OPTN: variants seen among roughly 807,000 people sequenced by gnomAD.
OPTN encodes the protein E3-14.7K-interacting protein.
A neutral mutation model predicts 70.4 loss-of-function variants in OPTN; 54 were observed. The observed-to-expected ratio is 0.77, with a 90% confidence interval of 0.62 to 0.96. The LOEUF (loss-of-function observed/expected upper bound fraction) is 0.96. Among genes scored for constraint, OPTN ranks in the 40% least tolerant of loss-of-function variants. The pLI is 0.00. For synonymous variants in OPTN, 256 were observed against 248.5 expected, an observed-to-expected ratio of 1.03 and a Z score of -0.28; for missense variants, 624 against 673.2, an observed-to-expected ratio of 0.93 and a Z score of 0.81.
chr10:13,108,544 C>CTT (rs34105780), intron 2 of OPTN, among the ~76,000 whole-genome samples: 1 of 139,428 alleles, frequency 7.2e-6, no homozygotes, highest in African/African-American at 2.7e-5. Flanking sequence ...TTATTGTACC[C>CTT]TTTTTTTTTT....
At chr10:13,115,179 TTA>T (rs1292747469) in intron 5 of OPTN, among the ~76,000 whole-genome samples, 15 of 41,982 alleles carry the variant, frequency 3.6e-4, no homozygotes, top group African/African-American at 8.3e-4. Flanking sequence ...TATCTATATT[TTA>T]TATATATATT....
At chr10:13,129,610 G>A (rs1423005476) in intron 12 of OPTN, among the ~76,000 whole-genome samples, 4 of 151,996 alleles carry the variant, frequency 2.6e-5, no homozygotes, top group South Asian at 4.2e-4. Context: ...CTGGGATTAC[G>A]GGCGTGAGCC....
rs964219691 is a variant in OPTN, at chr10:13,124,116, A to G, written c.998+6A>G. 6.7e-7 allele frequency: 1 copy of G among 1,497,774 alleles called. No individual in the cohort carries two copies. The allele number at this position is 1,497,774 out of a possible 1,614,324, so 92.8% of individuals were successfully genotyped here. ...AAGAAGAGACTTCAAGAAAAGTAAG[A>G]ATGAGAGAGCAATTTTATCCTCCTT... On this transcript the variant is annotated splice_donor_region_variant and intron_variant, in intron 9 of 14. Transcript: ENST00000378747.
intron 1 of OPTN, among the ~76,000 whole-genome samples, chr10:13,103,401 G>A (rs993652621): frequency 1.3e-5 from 2 of 152,198 alleles, no homozygotes; most frequent in Non-Finnish European, 2.9e-5. Flanking sequence ...ACCAGGGCAA[G>A]GGCCTAACCT....
At chr10:13,101,953 C>G (rs1832757521) in intron 1 of OPTN, among the ~76,000 whole-genome samples, 1 of 152,174 alleles carries the variant, frequency 6.6e-6, no homozygotes, top group Non-Finnish European at 1.5e-5. Context: ...TTACTGCAAG[C>G]CTGCTATGTG....
chr10:13,120,602 A>G (rs1833326239), intron 7 of OPTN, among the ~76,000 whole-genome samples: 1 of 151,154 alleles, frequency 6.6e-6, no homozygotes, highest in African/African-American at 2.4e-5. Context: ...TTGTAGTTTC[A>G]TCTCTGACAT....
intron 12 of OPTN, 59 bp from the exon 13 acceptor site, chr10:13,132,008 A>G (rs1196622250): frequency 6.4e-7 from 1 of 1,563,458 alleles, no homozygotes; most frequent in African/African-American, 1.4e-5. Flanking sequence ...TCGCATAAAC[A>G]CTGTAAGAAT....
At chr10:13,115,465 T>TC (rs1833166956) in intron 5 of OPTN, among the ~76,000 whole-genome samples, 5 of 103,936 alleles carry the variant, frequency 4.8e-5, no homozygotes, top group African/African-American at 2.3e-4. Flanking sequence ...TATTATATAA[T>TC]ATAGAATATA....
chr10:13,124,961 C>T (rs1833427084), intron 9 of OPTN, among the ~76,000 whole-genome samples: 2 of 152,218 alleles, frequency 1.3e-5, no homozygotes, highest in South Asian at 4.2e-4. Context: ...ATATTGAAAT[C>T]CTCTTTCCGA....
intron 11 of OPTN, among the ~76,000 whole-genome samples, chr10:13,126,436 G>A (rs948418439): frequency 1.4e-4 from 22 of 151,926 alleles, no homozygotes; most frequent in African/African-American, 3.9e-4. Context: ...GCCCGCCACC[G>A]CGCCCGGCTA....
intron 11 of OPTN, among the ~76,000 whole-genome samples, 196 bp from the exon 12 acceptor site, chr10:13,127,549 A>C (rs1362919567): frequency 1.3e-5 from 2 of 152,038 alleles, no homozygotes; most frequent in East Asian, 3.9e-4. Context: ...CATTTTTTAG[A>C]TCTCGCTATG....
rs746288358 is a variant in OPTN at position 13,112,641 on chromosome 10, T to A, written c.552+6T>A. The A allele has an allele frequency of 1.9e-6, 3 of 1,613,930 alleles. No individual in the cohort carries two copies. The Admixed American group carries it at 5.0e-5, about 27-fold the overall frequency. ...TTGTTGAAATTAGGATGGCTGTGAGTTTTTGGTTTTATTTTTGTTTTGAGC... is the reference window on the plus strand; with the variant it reads ...TTGTTGAAATTAGGATGGCTGTGAGATTTTGGTTTTATTTTTGTTTTGAGC... On this transcript the variant is annotated splice_donor_region_variant and intron_variant, in intron 5 of 14. Coordinates refer to ENST00000378747, the MANE Select transcript of OPTN (RefSeq NM_001008212.2).
chr10:13,109,160 A>T lies in OPTN; in HGVS notation c.38A>T (p.Glu13Val). 1 of 1,613,986 alleles carries T rather than the reference A, an allele frequency of 6.2e-7. No individual in the cohort carries two copies. The highest frequency in any genetic ancestry group is 8.5e-7 in the Non-Finnish European group (1 of 1,179,982). ...CCTCTCAGCTGCCTCACTGAAAAGG[A>T]GGACAGCCCCAGTGAAAGCACAGGA... Reference protein sequence around the residue: ...HQPLSCLTEKEDSPSESTGNG... With the variant: ...HQPLSCLTEKVDSPSESTGNG... Residue 13 changes from glutamate to valine, a missense_variant, in exon 3 of 15, where the codon GAG becomes GTG. Transcript: ENST00000378747.
chr10:13,122,541 C>T, intron 8 of OPTN, 54 bp downstream of exon 8: 2 of 1,164,980 alleles, frequency 1.7e-6, no homozygotes, highest in Non-Finnish European at 1.3e-6. Context: ...GAGAGTAGTC[C>T]AGCCACTGAA....
At chr10:13,125,854 T>C (rs1356919890) in intron 10 of OPTN, 92 bp from the exon 11 acceptor site, 7 of 947,610 alleles carry the variant, frequency 7.4e-6, no homozygotes, top group Admixed American at 2.0e-5. Context: ...AGAAGATTTT[T>C]CTACTGGAGT....
intron 1 of OPTN, chr10:13,104,812 C>A: frequency 2.2e-6 from 1 of 459,116 alleles, no homozygotes; most frequent in South Asian, 2.1e-5. Context: ...TCGAGATGTT[C>A]AACAAAAGGT....
rs1341774965 is a variant in OPTN, at chr10:13,136,639, G to A, written c.1613-106G>A. 9 of 1,333,876 alleles carry A rather than the reference G, an allele frequency of 6.7e-6. No individual in the cohort carries two copies. In the Admixed American group the frequency reaches 1.2e-4, roughly 17 times the overall value. 82.6% of individuals were successfully genotyped at this position (1,333,876 alleles called of 1,614,324 possible). ...CTGTGCTCATGTCCCACTACGTGTT[G>A]AATACGAAGTTGAACTGATGTTAAA... is the stretch of plus-strand genomic sequence containing the variant. On this transcript the variant is annotated intron_variant, in intron 14 of 14. Transcript: ENST00000378747.
intron 3 of OPTN, 58 bp from the exon 4 acceptor site, chr10:13,110,216 T>A: frequency 5.6e-6 from 9 of 1,597,932 alleles, no homozygotes; most frequent in Non-Finnish European, 6.8e-6. Flanking sequence ...GAGATTTGGT[T>A]CATCAGATCA....
At chr10:13,120,798 T>G (rs1335042362) in intron 7 of OPTN, among the ~76,000 whole-genome samples, 1 of 152,160 alleles carries the variant, frequency 6.6e-6, no homozygotes, top group Non-Finnish European at 1.5e-5. Flanking sequence ...GTTTTCATAC[T>G]TATATGAAGA....
Sources: allele counts gnomAD v4.1 joint callset (sites outside exome capture counted in the v4.1 genomes callset), GRCh38; gene constraint gnomAD v4.1.1; transcripts MANE v1.5; gene names NCBI Gene and HGNC (gene_info 2026-07-23, HGNC 2026-07-21).